LRRC4C: variants seen among roughly 807,000 people sequenced by gnomAD.
LRRC4C encodes the protein leucine rich repeat containing 4C.
LRRC4C carries 5 observed loss-of-function variants against 33.6 expected under a neutral mutation model. The observed-to-expected ratio is 0.15, with a 90% CI of 0.08 to 0.31. The LOEUF is 0.31. LRRC4C is among the 10% of genes least tolerant of loss of function. LRRC4C has a pLI of 1.00. For synonymous variants in LRRC4C, 329 were observed against 302.0 expected, an observed-to-expected ratio of 1.09 and a Z score of -0.93; for missense variants, 560 against 796.7, an observed-to-expected ratio of 0.70 and a Z score of 3.58.
chr11:40,364,285 C>A (rs1948106894), intron 3 of LRRC4C, among the ~76,000 whole-genome samples: 1 of 151,792 alleles, frequency 6.6e-6, no homozygotes, highest in Admixed American at 6.6e-5. Context: ...CTGACCTAGA[C>A]CAAAAAAAAT....
intron 3 of LRRC4C, among the ~76,000 whole-genome samples, chr11:40,383,351 T>G (rs1948968775): frequency 6.6e-6 from 1 of 152,212 alleles, no homozygotes; most frequent in African/African-American, 2.4e-5. Context: ...ATATCGTGAT[T>G]TGAATTCCTT....
intron 1 of LRRC4C, among the ~76,000 whole-genome samples, chr11:41,337,544 G>A (rs1371272716): frequency 2.6e-5 from 4 of 152,160 alleles, no homozygotes; most frequent in East Asian, 3.9e-4. Context: ...ACTCAAGATG[G>A]ATTAAAAACT....
intron 3 of LRRC4C, among the ~76,000 whole-genome samples, chr11:40,425,467 A>G (rs998235885): frequency 3.3e-5 from 5 of 152,180 alleles, no homozygotes; most frequent in Middle Eastern, 3.2e-3. Context: ...ACAATGCAGT[A>G]TAAGTCTTTC....
At chr11:40,387,510 A>T (rs997518463) in intron 3 of LRRC4C, among the ~76,000 whole-genome samples, 2 of 152,128 alleles carry the variant, frequency 1.3e-5, no homozygotes, top group Non-Finnish European at 2.9e-5. Context: ...ATTTTTTATA[A>T]AGGGTTCATT....
At chr11:40,896,628 T>C (rs960928487) in intron 2 of LRRC4C, among the ~76,000 whole-genome samples, 1 of 152,134 alleles carries the variant, frequency 6.6e-6, no homozygotes, top group East Asian at 1.9e-4. Context: ...TGTTCTTTCA[T>C]ATGTAGATAA....
intron 3 of LRRC4C, among the ~76,000 whole-genome samples, chr11:40,324,607 G>C (rs1018867930): frequency 2.0e-5 from 3 of 152,176 alleles, no homozygotes; most frequent in Admixed American, 2.0e-4. Context: ...ACAGAGTAAT[G>C]AACAGGCTAG....
At chr11:40,235,857 A>G (rs1281853685) in intron 5 of LRRC4C, among the ~76,000 whole-genome samples, 1 of 152,132 alleles carries the variant, frequency 6.6e-6, no homozygotes, top group Non-Finnish European at 1.5e-5. Context: ...AAACCTAAAT[A>G]TATTTGCATG....
chr11:40,394,787 A>G (rs901210154), intron 3 of LRRC4C, among the ~76,000 whole-genome samples: 1 of 152,174 alleles, frequency 6.6e-6, no homozygotes, highest in Non-Finnish European at 1.5e-5. Context: ...GCAATGTTTC[A>G]TCTTTTCAAA....
chr11:41,304,719 T>G (rs1591212252), intron 1 of LRRC4C, among the ~76,000 whole-genome samples: 2 of 57,554 alleles, frequency 3.5e-5, no homozygotes, highest in South Asian at 7.2e-4. Flanking sequence ...GGGAGGGAGG[T>G]GGGGGTATCA....
rs559859701 is a variant in LRRC4C at position 40,628,677 on chromosome 11, C to A, written c.-270+19465G>T. On this transcript the variant is annotated intron_variant, in intron 3 of 6. Coordinates refer to ENST00000528697, the MANE Select transcript of LRRC4C (RefSeq NM_001258419.2). The stretch of plus-strand genomic sequence containing the variant: ...CACATTTAGGCAACACATTTCAGAT[C>A]TAACACCACGAAGAAAACAGTAGGA... Among the ~76,000 whole-genome samples the A allele has an allele frequency of 9.2e-5, 14 of 152,240 alleles. No homozygotes were observed. The South Asian group carries it at 2.9e-3, about 32-fold the overall frequency.
rs1954460936 is a variant in LRRC4C at position 40,496,400 on chromosome 11, A to G, written c.-270+151742T>C. Reference sequence around the variant, plus strand: ...TGTACATTGTGAAAGGATTACCACAATCAAACCAATTAACATATCCATTGC... The same window carrying G: ...TGTACATTGTGAAAGGATTACCACAGTCAAACCAATTAACATATCCATTGC... On this transcript the variant is annotated intron_variant, in intron 3 of 6. Coordinates refer to ENST00000528697, the MANE Select transcript of LRRC4C (RefSeq NM_001258419.2). Among the ~76,000 whole-genome samples the G allele has an allele frequency of 3.3e-5, 5 of 152,354 alleles. No individual in the cohort carries two copies. The South Asian group carries it at 1.0e-3, about 32-fold the overall frequency.
intron 4 of LRRC4C, among the ~76,000 whole-genome samples, chr11:40,300,195 T>TTTCATGAGAAATCTG (rs1195319718): frequency 1.3e-5 from 2 of 152,088 alleles, no homozygotes; most frequent in African/African-American, 4.8e-5. Context: ...GGGGAGGTGC[T>TTTCATGAGAAATCTG]AAACCATTCA....
intron 1 of LRRC4C, among the ~76,000 whole-genome samples, chr11:41,432,625 G>C (rs1036107650): frequency 3.3e-5 from 5 of 152,058 alleles, no homozygotes; most frequent in Non-Finnish European, 7.4e-5. Context: ...ATTAAGGAAA[G>C]ATGTAGAGAG....
At chr11:41,412,460 G>T (rs1436629325) in intron 1 of LRRC4C, among the ~76,000 whole-genome samples, 1 of 152,166 alleles carries the variant, frequency 6.6e-6, no homozygotes, top group Non-Finnish European at 1.5e-5. Context: ...AATGTTAAGT[G>T]AAGATATACT....
chr11:40,494,828 A>G (rs1008070249), intron 3 of LRRC4C, among the ~76,000 whole-genome samples: 1 of 152,194 alleles, frequency 6.6e-6, no homozygotes, highest in Non-Finnish European at 1.5e-5. Context: ...GTATTGTATG[A>G]AGCAATTTAA....
chr11:40,435,740 A>G (rs1054620974), intron 3 of LRRC4C, among the ~76,000 whole-genome samples: 10 of 152,196 alleles, frequency 6.6e-5, no homozygotes, highest in African/African-American at 2.4e-4. Context: ...AGCAATTATA[A>G]TATTTATATG....
intron 1 of LRRC4C, among the ~76,000 whole-genome samples, chr11:41,296,589 A>T (rs11036347): frequency 0.13 from 19,392 of 152,162 alleles, 1,367 homozygotes; most frequent in Middle Eastern, 0.24. Flanking sequence ...TGCTGGGATT[A>T]CAGGCATGAG....
intron 3 of LRRC4C, among the ~76,000 whole-genome samples, chr11:40,327,491 G>T (rs1371147640): frequency 6.6e-6 from 1 of 152,156 alleles, no homozygotes; most frequent in Non-Finnish European, 1.5e-5. Flanking sequence ...CTTGATCTTA[G>T]CCAAAAGGCT....
At position 40,380,122 on chromosome 11, in the gene LRRC4C, C is replaced by T. The variant is rs371314426; in HGVS notation, c.-269-60401G>A. ...AAGATTTACATAAAGGAAAAATAACCCTTTTTTGTGGGAAATCAAAAAATA... is the reference window on the plus strand; with the variant it reads ...AAGATTTACATAAAGGAAAAATAACTCTTTTTTGTGGGAAATCAAAAAATA... On this transcript the variant is annotated intron_variant, in intron 3 of 6. Transcript: ENST00000528697. 5.9e-5 allele frequency among the ~76,000 whole-genome samples: 9 copies of T among 152,228 alleles called. No homozygotes were observed. The East Asian group carries it at 9.7e-4, about 16-fold the overall frequency.
Sources: allele counts gnomAD v4.1 joint callset (sites outside exome capture counted in the v4.1 genomes callset), GRCh38; gene constraint gnomAD v4.1.1; transcripts MANE v1.5; gene names NCBI Gene and HGNC (gene_info 2026-07-23, HGNC 2026-07-21).